Variants in MYO7B observed in about 807,000 individuals in gnomAD.
MYO7B encodes myosin VIIB, also known as unconventional myosin-VIIb.
Under a neutral mutation model 259.7 loss-of-function variants are expected in MYO7B, and 212 were observed. The observed-to-expected ratio is 0.82, with a 90% confidence interval of 0.73 to 0.91. The LOEUF (loss-of-function observed/expected upper bound fraction) is 0.91, where lower values mean the gene tolerates loss of function less well. Among genes scored for constraint, MYO7B ranks in the 40% least tolerant of loss-of-function variants. The pLI is 0.00. For missense variants in MYO7B, 2,732 were observed against 2,813.5 expected (o/e 0.97, Z 0.66); for synonymous variants, 1,197 against 1,166.4 (o/e 1.03, Z -0.54).
At chr2:127,630,134 C>T (rs1455173350) in intron 35 of MYO7B, among the ~76,000 whole-genome samples, 1 of 152,216 alleles carries the variant, frequency 6.6e-6, no homozygotes, top group Non-Finnish European at 1.5e-5. Context: ...TCAAGTCTCT[C>T]CCTGCACAAG....
chr2:127,606,426 C>T (rs1680158700), intron 20 of MYO7B, among the ~76,000 whole-genome samples: 1 of 152,236 alleles, frequency 6.6e-6, no homozygotes, highest in African/African-American at 2.4e-5. Context: ...GAAATGGTCA[C>T]ATCAGCAAGA....
rs375739121 is a variant in MYO7B, at chr2:127,608,846, G to A, written c.2782G>A (p.Gly928Ser). 5.0e-6 allele frequency: 8 copies of A among 1,613,306 alleles called. No homozygotes were observed. The highest frequency in any genetic ancestry group is 1.3e-5 in the African/African-American group (1 of 75,072). ...CGGCTTCCTCCCTGCCATGATTGGGGGCCAGGAGGGCCAGGCCTCGCCGCA... is the reference window on the plus strand; with the variant it reads ...CGGCTTCCTCCCTGCCATGATTGGGAGCCAGGAGGGCCAGGCCTCGCCGCA... ...VFGFLPAMIG[G>S]QEGQASPHFE... is the part of the protein sequence containing the mutation. The change falls in exon 22 of 48, where the codon GGC (glycine) becomes AGC (serine). Residue 928 changes from glycine to serine, a missense_variant. Physicochemically the swap from Gly to Ser is moderately conservative, Grantham distance 56 (BLOSUM62 0). Around this residue, in one of 3 missense-constraint regions of MYO7B, gnomAD observed 1,906 missense variants for 2,026.4 expected, o/e 0.94. Coordinates refer to ENST00000409816, the MANE Select transcript of MYO7B (RefSeq NM_001393586.1).
rs932143901 is a variant in MYO7B at position 127,584,612 on chromosome 2, C to A, written c.1555-166C>A. Among the ~76,000 whole-genome samples the A allele has an allele frequency of 6.6e-6, 1 of 152,160 alleles. No individual in the cohort carries two copies. ...CTCTGCTCCCAGCTCAGCCCTCACT[C>A]CCTGCAACAAGTCACTGACCCCTGG... On this transcript the variant is annotated intron_variant, in intron 13 of 47. Transcript: ENST00000409816. This position sits in a 1 kb window ranked among gnomAD's most constrained non-coding sequence, Gnocchi z 5.8.
intron 26 of MYO7B, among the ~76,000 whole-genome samples, chr2:127,618,363 A>G (rs954636773): frequency 1.4e-4 from 22 of 152,120 alleles, no homozygotes; most frequent in African/African-American, 5.1e-4. Context: ...GACAGCCCCC[A>G]CCCCAAGCTT....
chr2:127,637,308 CTGTCCAGGGCTA>C lies in MYO7B; in HGVS notation c.6328-6_6333del. ...CCACAGCCTCTGACCCCCCCGTCCC[CTGTCCAGGGCTA>C]TAAGATGGATGACCTGCTGACCTCA... is the stretch of plus-strand genomic sequence containing the variant. On this transcript the variant is annotated splice_acceptor_variant and splice_polypyrimidine_tract_variant and coding_sequence_variant and intron_variant, in exon 48 of 48. Coordinates refer to ENST00000409816, the MANE Select transcript of MYO7B (RefSeq NM_001393586.1). LOFTEE classifies it high-confidence loss of function. The C allele has an allele frequency of 1.9e-6, 3 of 1,571,920 alleles. No individual in the cohort carries two copies. Among genetic ancestry groups the C allele is most frequent in the Non-Finnish European group, 2.6e-6 (3 of 1,157,822 alleles).
intron 40 of MYO7B, 32 bp from the exon 41 acceptor site, chr2:127,634,143 GC>G (rs1213615729): frequency 1.3e-6 from 2 of 1,540,692 alleles, no homozygotes; most frequent in Admixed American, 1.9e-5. Context: ...CCCTAGCCAG[GC>G]CCCGGGCCTC....
At chr2:127,593,093 C>T (rs1679631174) in intron 17 of MYO7B, 147 bp downstream of exon 17, 2 of 1,077,656 alleles carry the variant, frequency 1.9e-6, no homozygotes, top group Non-Finnish European at 2.6e-6. Flanking sequence ...TCCCTCTCTC[C>T]TCCTCCCACC....
chr2:127,623,052 C>T, intron 28 of MYO7B, 150 bp from the exon 29 acceptor site: 1 of 879,366 alleles, frequency 1.1e-6, no homozygotes, highest in Non-Finnish European at 1.7e-6. Context: ...AAGCCCATGG[C>T]CTGGGGCTTC....
At chr2:127,608,591 GA>G in intron 21 of MYO7B, 116 bp from the exon 22 acceptor site, 5 of 1,118,608 alleles carry the variant, frequency 4.5e-6, no homozygotes, top group Non-Finnish European at 6.3e-6. Context: ...TTGGACAAAT[GA>G]TGGCAGGATG....
chr2:127,622,646 G>A lies in MYO7B; in HGVS notation c.3645+545G>A, dbSNP rs114054002. Among the ~76,000 whole-genome samples, 1,093 of 152,342 alleles carry A rather than the reference G, an allele frequency of 7.2e-3. 11 individuals carry two copies. The highest frequency in any genetic ancestry group is 0.025 in the African/African-American group (1,034 of 41,574). On this transcript the variant is annotated intron_variant, in intron 28 of 47. Coordinates refer to ENST00000409816, the MANE Select transcript of MYO7B (RefSeq NM_001393586.1). Reference sequence around the variant, plus strand: ...CCGGCAGGTGCCCGCCCTGTGACCCGAGGTGCCCTATACCAGGAGCTGTGG... The same window carrying A: ...CCGGCAGGTGCCCGCCCTGTGACCCAAGGTGCCCTATACCAGGAGCTGTGG...
In MYO7B at chr2:127,587,568, C is replaced by CTTT. The variant is rs61624532; in HGVS notation, c.1691-808_1691-806dup. ...CTCATCTCCCCTTCTTTCTTTCTTTCTTTTTTTTTTTTTTTTTTGAGACAG... is the reference window on the plus strand; with the variant it reads ...CTCATCTCCCCTTCTTTCTTTCTTTCTTTTTTTTTTTTTTTTTTTTTGAGACAG... On this transcript the variant is annotated intron_variant, in intron 14 of 47. Transcript: ENST00000409816. Among the ~76,000 whole-genome samples, 1,186 of 122,374 alleles carry CTTT rather than the reference C, an allele frequency of 9.7e-3. 24 individuals carry two copies. Among genetic ancestry groups the CTTT allele is most frequent in the African/African-American group, 0.033 (1,104 of 33,376 alleles). The allele number at this position is 122,374 out of a possible 152,430, so 80.3% of individuals were successfully genotyped here.
At chr2:127,601,484 C>G (rs905339689) in intron 19 of MYO7B, among the ~76,000 whole-genome samples, 1 of 151,338 alleles carries the variant, frequency 6.6e-6, no homozygotes, top group East Asian at 1.9e-4. Flanking sequence ...TTTTGCAGCT[C>G]TGTTGTTTGG....
At chr2:127,608,981 G>T in intron 22 of MYO7B, 103 bp downstream of exon 22, 1 of 1,432,368 alleles carries the variant, frequency 7.0e-7, no homozygotes, top group South Asian at 1.4e-5. Flanking sequence ...AAGCCAGAGC[G>T]GTGGCCAAGT....
At position 127,609,655 on chromosome 2, in the gene MYO7B, A is replaced by T. The variant is rs1424663632; in HGVS notation, c.2964A>T (p.Thr988=). Residue 988 remains threonine (T), a synonymous_variant, in exon 23 of 48, where the codon ACA becomes ACT. Transcript: ENST00000409816. This position sits in a 1 kb window ranked among gnomAD's most constrained non-coding sequence, Gnocchi z 6.9. ...VTYFQKSASH[T]HIRRPLRYPL... ...ACTTCCAGAAATCAGCCAGCCACAC[A>T]CACATCCGGCGGCCCCTCCGATACC... 1 of 1,613,982 alleles carries T rather than the reference A, an allele frequency of 6.2e-7. No individual in the cohort carries two copies. Among genetic ancestry groups the T allele is most frequent in the Admixed American group, 1.7e-5 (1 of 60,022 alleles).
chr2:127,581,889 A>G lies in MYO7B; in HGVS notation c.1081-2A>G. 1 of 1,613,608 alleles carries G rather than the reference A, an allele frequency of 6.2e-7. No individual in the cohort carries two copies. Among genetic ancestry groups the G allele is most frequent in the Non-Finnish European group, 8.5e-7 (1 of 1,179,796 alleles). On this transcript the variant is annotated splice_acceptor_variant, in intron 10 of 47. Transcript: ENST00000409816. LOFTEE classifies it high-confidence loss of function. ...CGACGCAGCCCCCACCTGCCTCCCCAGGTGCAGCACCAGGAGCTCCGGGAC... is the reference window on the plus strand; with the variant it reads ...CGACGCAGCCCCCACCTGCCTCCCCGGGTGCAGCACCAGGAGCTCCGGGAC...
chr2:127,560,469 C>T (rs1678035909), intron 2 of MYO7B, among the ~76,000 whole-genome samples: 1 of 152,312 alleles, frequency 6.6e-6, no homozygotes, highest in African/African-American at 2.4e-5. Context: ...CTTCACTCAA[C>T]AAATATTCCT....
At chr2:127,573,655 A>G (rs887056837) in intron 6 of MYO7B, among the ~76,000 whole-genome samples, 9 of 152,026 alleles carry the variant, frequency 5.9e-5, no homozygotes, top group African/African-American at 1.7e-4. Flanking sequence ...TCTACCTTCC[A>G]CTGCTTTCCT....
chr2:127,635,410 G>A, intron 43 of MYO7B, 184 bp downstream of exon 43: 2 of 642,102 alleles, frequency 3.1e-6, no homozygotes, highest in Non-Finnish European at 5.4e-6. Context: ...AATGTTTGGG[G>A]ACAGTGACTG....
chr2:127,542,844 A>T (rs1036876315), intron 1 of MYO7B, among the ~76,000 whole-genome samples: 5 of 152,194 alleles, frequency 3.3e-5, no homozygotes, highest in African/African-American at 7.2e-5. Context: ...AAAACATGTG[A>T]ACAAAGATCT....
Sources: allele counts gnomAD v4.1 joint callset (sites outside exome capture counted in the v4.1 genomes callset), GRCh38; gene constraint gnomAD v4.1.1; regional missense constraint gnomAD v4.1.1; non-coding constraint Gnocchi (gnomAD v3.1); transcripts MANE v1.5; gene names NCBI Gene and HGNC (gene_info 2026-07-23, HGNC 2026-07-21).